FGF12: variants seen among roughly 807,000 people sequenced by gnomAD.
FGF12 encodes fibroblast growth factor 12.
FGF12 carries 14 observed loss-of-function variants against 23.6 expected under a neutral mutation model. The ratio of observed to expected loss-of-function variants is 0.59; its 90% CI spans 0.39 to 0.93. The LOEUF (loss-of-function observed/expected upper bound fraction) is 0.93. Among genes scored for constraint, FGF12 ranks in the 40% least tolerant of loss-of-function variants. The probability of loss-of-function intolerance (pLI) is 0.00; values close to 1 mark genes in which losing one functional copy is unlikely to be tolerated. For missense variants in FGF12, 175 were observed against 217.8 expected (o/e 0.80, Z 1.24); for synonymous variants, 62 against 77.3 (o/e 0.80, Z 1.04).
chr3:192,268,054 A>C (rs1320437915), intron 4 of FGF12, among the ~76,000 whole-genome samples: 2 of 152,164 alleles, frequency 1.3e-5, no homozygotes, highest in Non-Finnish European at 2.9e-5. Context: ...TAAAGCTTTT[A>C]TTTTAAAACA....
intron 2 of FGF12, among the ~76,000 whole-genome samples, chr3:192,434,897 AG>A (rs766606929): frequency 9.2e-5 from 14 of 152,012 alleles, no homozygotes; most frequent in Non-Finnish European, 1.8e-4. Context: ...TGCGGTTAGC[AG>A]TACATTTATC....
chr3:192,146,810 A>C (rs1242982175), intron 5 of FGF12, among the ~76,000 whole-genome samples: 1 of 152,122 alleles, frequency 6.6e-6, no homozygotes, highest in African/African-American at 2.4e-5. Flanking sequence ...GGCCATCCTT[A>C]TATTGAGCGG....
At position 192,252,782 on chromosome 3, in the gene FGF12, C is replaced by T. The variant is rs1026857602; in HGVS notation, c.229-82126G>A. Reference sequence around the variant, plus strand: ...ATACTCTGAAAAATAGTACTTAATTCACATAAGATATATATCTCAGTAAAA... The same window carrying T: ...ATACTCTGAAAAATAGTACTTAATTTACATAAGATATATATCTCAGTAAAA... On this transcript the variant is annotated intron_variant, in intron 4 of 5. Transcript: ENST00000445105. 1.3e-4 allele frequency among the ~76,000 whole-genome samples: 20 copies of T among 152,064 alleles called. No individual in the cohort carries two copies. In the East Asian group the frequency reaches 3.3e-3, roughly 25 times the overall value.
At chr3:192,443,282 T>C (rs1236431116) in intron 2 of FGF12, among the ~76,000 whole-genome samples, 2 of 152,100 alleles carry the variant, frequency 1.3e-5, no homozygotes, top group African/African-American at 4.8e-5. Context: ...TTAAGTGAGG[T>C]TTTCACTGCT....
At chr3:192,424,292 G>C (rs994252599) in intron 2 of FGF12, among the ~76,000 whole-genome samples, 2 of 152,116 alleles carry the variant, frequency 1.3e-5, no homozygotes, top group Non-Finnish European at 2.9e-5. Flanking sequence ...AACCATAGAA[G>C]TATCATCAAA....
intron 3 of FGF12, among the ~76,000 whole-genome samples, chr3:192,350,744 T>G (rs973548434): frequency 4.6e-5 from 7 of 151,890 alleles, no homozygotes; most frequent in African/African-American, 1.7e-4. Flanking sequence ...AGACAACGGG[T>G]GAGATTATAT....
intron 2 of FGF12, among the ~76,000 whole-genome samples, chr3:192,501,698 C>A (rs1490699082): frequency 6.6e-6 from 1 of 152,166 alleles, no homozygotes; most frequent in Non-Finnish European, 1.5e-5. Flanking sequence ...AACCTACAAA[C>A]AAAAATATTT....
chr3:192,301,509 C>T (rs1673103575), intron 4 of FGF12, among the ~76,000 whole-genome samples: 2 of 152,132 alleles, frequency 1.3e-5, no homozygotes, highest in African/African-American at 4.8e-5. Flanking sequence ...GTGAAGCTTA[C>T]AGTTGACTTG....
chr3:192,251,176 T>TTTG (rs2108606586), intron 4 of FGF12, among the ~76,000 whole-genome samples: 1 of 152,250 alleles, frequency 6.6e-6, no homozygotes, highest in East Asian at 1.9e-4. Flanking sequence ...GATCAAATAT[T>TTTG]TCAGGGCCTT....
At chr3:192,186,606 T>G (rs140217700) in intron 4 of FGF12, among the ~76,000 whole-genome samples, 1 of 152,218 alleles carries the variant, frequency 6.6e-6, no homozygotes, top group Non-Finnish European at 1.5e-5. Context: ...CATTTGTGTG[T>G]GCGTGTGTGT....
At chr3:192,495,722 A>G (rs1302308524) in intron 2 of FGF12, among the ~76,000 whole-genome samples, 1 of 152,144 alleles carries the variant, frequency 6.6e-6, no homozygotes, top group Non-Finnish European at 1.5e-5. Flanking sequence ...GCTTAAGTGC[A>G]GTGGCGTAAT....
At chr3:192,194,447 A>G (rs954271397) in intron 4 of FGF12, among the ~76,000 whole-genome samples, 1 of 152,212 alleles carries the variant, frequency 6.6e-6, no homozygotes, top group African/African-American at 2.4e-5. Context: ...CTTAGAGTCT[A>G]ATTGACACTG....
intron 2 of FGF12, among the ~76,000 whole-genome samples, chr3:192,378,068 T>TTCTTTCTTTCTTTCTG (rs1719630672): frequency 8.5e-6 from 1 of 117,206 alleles, no homozygotes; most frequent in African/African-American, 3.9e-5. Context: ...CTTTCTTTCT[T>TTCTTTCTTTCTTTCTG]TCTTTCTTTC....
intron 2 of FGF12, among the ~76,000 whole-genome samples, chr3:192,599,774 A>G (rs1406442955): frequency 6.6e-5 from 10 of 152,156 alleles, no homozygotes; most frequent in African/African-American, 2.4e-4. Context: ...AAAAAAATAA[A>G]TAATAAAACA....
intron 2 of FGF12, among the ~76,000 whole-genome samples, chr3:192,451,470 T>C (rs1722519317): frequency 1.3e-5 from 2 of 152,206 alleles, no homozygotes; most frequent in Admixed American, 6.5e-5. Flanking sequence ...CAGCCTACTG[T>C]ACCAGGAACT....
chr3:192,483,440 A>G (rs904704685), intron 2 of FGF12, among the ~76,000 whole-genome samples: 2 of 152,188 alleles, frequency 1.3e-5, no homozygotes, highest in African/African-American at 4.8e-5. Flanking sequence ...AAAATGTCTA[A>G]TGTCTCTTAC....
intron 2 of FGF12, among the ~76,000 whole-genome samples, chr3:192,541,969 G>A (rs1029305601): frequency 4.7e-5 from 7 of 150,010 alleles, no homozygotes; most frequent in East Asian, 2.0e-4. Context: ...TATCTTTGAC[G>A]TTGGGGGCCT....
intron 2 of FGF12, among the ~76,000 whole-genome samples, chr3:192,468,611 C>T (rs1723075229): frequency 6.6e-6 from 1 of 152,186 alleles, no homozygotes; most frequent in Admixed American, 6.5e-5. Context: ...TATCAAGGAG[C>T]TGATGTTAAT....
intron 2 of FGF12, among the ~76,000 whole-genome samples, chr3:192,638,725 T>C (rs773447626): frequency 6.6e-6 from 1 of 152,226 alleles, no homozygotes; most frequent in Non-Finnish European, 1.5e-5. Context: ...TTCTCTGTTT[T>C]ATAGATGTGC....
Sources: allele counts gnomAD v4.1 joint callset (sites outside exome capture counted in the v4.1 genomes callset), GRCh38; gene constraint gnomAD v4.1.1; transcripts MANE v1.5; gene names NCBI Gene and HGNC (gene_info 2026-07-23, HGNC 2026-07-21).